Variants in ASB13 observed in about 807,000 individuals in gnomAD.
ASB13 encodes the protein ankyrin repeat and SOCS box protein 13.
Under a neutral mutation model 28.8 loss-of-function variants are expected in ASB13, and 33 were observed. The ratio of observed to expected loss-of-function variants is 1.15; its 90% CI spans 0.87 to 1.53. The LOEUF (loss-of-function observed/expected upper bound fraction) is 1.53, where lower values mean the gene tolerates loss of function less well. Among genes scored for constraint, ASB13 ranks in the 40% most tolerant of loss-of-function variants. ASB13 has a pLI of 0.00. For missense variants in ASB13, 414 were observed against 390.1 expected (o/e 1.06, Z -0.52); for synonymous variants, 182 against 172.9 (o/e 1.05, Z -0.41).
At position 5,651,935 on chromosome 10, in the gene ASB13, G is replaced by A. The variant is rs1834990113; in HGVS notation, c.232-572C>T. Among the ~76,000 whole-genome samples the A allele has an allele frequency of 6.8e-6, 1 of 147,346 alleles. No individual in the cohort carries two copies. The highest frequency in any genetic ancestry group is 6.8e-5 in the Admixed American group (1 of 14,692). On this transcript the variant is annotated intron_variant, in intron 2 of 5. Coordinates refer to ENST00000357700, the MANE Select transcript of ASB13 (RefSeq NM_024701.4). This position sits in a 1 kb window ranked among gnomAD's most constrained non-coding sequence, Gnocchi z 5.1. ...AAGGATCACTTGAGTCAAGGAGGAT[G>A]AGGTTGCAGTGAGCTATGATCACGC...
Position 5,661,288 on chromosome 10 carries a change from C to T in ASB13, c.43+5221G>A, listed in dbSNP as rs1230270102. Among the ~76,000 whole-genome samples, 1 of 152,192 alleles carries T rather than the reference C, an allele frequency of 6.6e-6. No individual in the cohort carries two copies. The highest frequency in any genetic ancestry group is 1.5e-5 in the Non-Finnish European group (1 of 68,044). On this transcript the variant is annotated intron_variant, in intron 1 of 5. Transcript: ENST00000357700. The surrounding 1 kb of genome is among the most constrained non-coding windows in gnomAD (Gnocchi z 4.9). ...GGGCCTCACTTGACCCACACAGGGA[C>T]TGCAACCATAAAAGCAGCAGAGCCA... is the stretch of plus-strand genomic sequence containing the variant.
chr10:5,662,637 A>AGAAGAGAAGAGAAGAG (rs1554744190), intron 1 of ASB13, among the ~76,000 whole-genome samples: 5 of 144,860 alleles, frequency 3.5e-5, no homozygotes, highest in East Asian at 4.3e-4. Context: ...AGAAGAGAAG[A>AGAAGAGAAGAGAAGAG]GATGAGATCC....
intron 4 of ASB13, among the ~76,000 whole-genome samples, chr10:5,646,823 T>C (rs147013684): frequency 0.013 from 1,917 of 152,260 alleles, 49 homozygotes; most frequent in African/African-American, 0.043. Context: ...TCGTGTGTAC[T>C]GAGCTCATAA....
rs569915376 is a variant in ASB13, at chr10:5,652,001, CAAAAAAAAAA to C, written c.232-648_232-639del. On this transcript the variant is annotated intron_variant, in intron 2 of 5. Transcript: ENST00000357700. The surrounding 1 kb of genome is among the most constrained non-coding windows in gnomAD (Gnocchi z 5.0). Reference sequence around the variant, plus strand: ...TAGGCGACAGAGAAAGACCTTATCTCAAAAAAAAAAAAAAAAAAAAAAAACCACACACACA... The same window carrying C: ...TAGGCGACAGAGAAAGACCTTATCTCAAAAAAAAAAAAAACCACACACACA... 3.9e-5 allele frequency among the ~76,000 whole-genome samples: 2 copies of C among 50,794 alleles called. No homozygotes were observed. Among genetic ancestry groups the C allele is most frequent in the South Asian group, 1.2e-3 (1 of 814 alleles). 33.3% of individuals were successfully genotyped at this position (50,794 alleles called of 152,430 possible). A position where few individuals can be genotyped will look rare whatever the true frequency, so the allele number is the denominator to read the frequency against.
chr10:5,657,565 G>A (rs1835091876), intron 1 of ASB13, among the ~76,000 whole-genome samples: 2 of 152,196 alleles, frequency 1.3e-5, no homozygotes, highest in East Asian at 1.9e-4. Context: ...CTTGTGCACT[G>A]ATGATGGGAA....
In ASB13 at chr10:5,664,432, G is replaced by A. The variant is rs970897974; in HGVS notation, c.43+2077C>T. On this transcript the variant is annotated intron_variant, in intron 1 of 5. Coordinates refer to ENST00000357700, the MANE Select transcript of ASB13 (RefSeq NM_024701.4). This position sits in a 1 kb window ranked among gnomAD's most constrained non-coding sequence, Gnocchi z 4.2. ...CCACAGGTAAACAAAAAGAACACCC[G>A]CCATGTCCAAGAAAAGCAAGACATT... Among the ~76,000 whole-genome samples the A allele has an allele frequency of 1.3e-5, 2 of 152,136 alleles. No individual in the cohort carries two copies. Among genetic ancestry groups the A allele is most frequent in the South Asian group, 2.1e-4 (1 of 4,830 alleles).
rs1222099901 is a variant in ASB13 at position 5,656,178 on chromosome 10, C to T, written c.44-3128G>A. ...GAACCTGGCACTGTCCAAGAAGATGCTGGTATCCACGTGGTTGCTCAGTGA... is the reference window on the plus strand; with the variant it reads ...GAACCTGGCACTGTCCAAGAAGATGTTGGTATCCACGTGGTTGCTCAGTGA... On this transcript the variant is annotated intron_variant, in intron 1 of 5. Transcript: ENST00000357700. The surrounding 1 kb of genome is among the most constrained non-coding windows in gnomAD (Gnocchi z 4.3). Among the ~76,000 whole-genome samples the T allele has an allele frequency of 6.6e-6, 1 of 152,172 alleles. No individual in the cohort carries two copies. Among genetic ancestry groups the T allele is most frequent in the African/African-American group, 2.4e-5 (1 of 41,442 alleles).
chr10:5,662,536 G>GA (rs1455291280), intron 1 of ASB13, among the ~76,000 whole-genome samples: 555 of 49,450 alleles, frequency 0.011, 56 homozygotes, highest in African/African-American at 0.02. Context: ...TCGAGAAGGG[G>GA]GGGGGAGGGG....
intron 4 of ASB13, among the ~76,000 whole-genome samples, chr10:5,648,255 A>C (rs1266781065): frequency 2.0e-5 from 3 of 150,496 alleles, no homozygotes; most frequent in Non-Finnish European, 4.4e-5. Context: ...ACTCAGGTAA[A>C]CACCCACTCA....
Position 5,659,555 on chromosome 10 carries a change from C to A in ASB13, c.44-6505G>T, listed in dbSNP as rs191110780. 1.3e-5 allele frequency among the ~76,000 whole-genome samples: 2 copies of A among 152,190 alleles called. No homozygotes were observed. The highest frequency in any genetic ancestry group is 6.5e-5 in the Admixed American group (1 of 15,280). The stretch of plus-strand genomic sequence containing the variant: ...TTTGCGTATGCTGTTCCTTCCCCTG[C>A]CTGGAAAGCTCTTCTCAGCCCCATT... On this transcript the variant is annotated intron_variant, in intron 1 of 5. Transcript: ENST00000357700. The surrounding 1 kb of genome is among the most constrained non-coding windows in gnomAD (Gnocchi z 5.8).
Position 5,661,942 on chromosome 10 carries a change from C to T in ASB13, c.43+4567G>A, listed in dbSNP as rs1835173345. ...CTGTAAGAAGCCCTCCCTGCAAAAC[C>T]CCAGTAAGCATTCTTGAAATGGTGA... On this transcript the variant is annotated intron_variant, in intron 1 of 5. Transcript: ENST00000357700. This position sits in a 1 kb window ranked among gnomAD's most constrained non-coding sequence, Gnocchi z 4.9. 1.3e-5 allele frequency among the ~76,000 whole-genome samples: 2 copies of T among 152,178 alleles called. No individual in the cohort carries two copies. Among genetic ancestry groups the T allele is most frequent in the South Asian group, 4.1e-4 (2 of 4,830 alleles).
At chr10:5,647,311 T>C (rs921203366) in intron 4 of ASB13, among the ~76,000 whole-genome samples, 2 of 152,208 alleles carry the variant, frequency 1.3e-5, no homozygotes, top group Non-Finnish European at 2.9e-5. Context: ...TTGGATAAGA[T>C]GATGAAACTA....
chr10:5,662,561 G>A (rs202137193), intron 1 of ASB13, among the ~76,000 whole-genome samples: 34 of 90,652 alleles, frequency 3.8e-4, no homozygotes, highest in Non-Finnish European at 5.6e-4. Context: ...GAGGGGAGGG[G>A]AGGGGAGAAG....
At chr10:5,662,618 G>GAAGAA (rs1835193634) in intron 1 of ASB13, among the ~76,000 whole-genome samples, 5 of 148,994 alleles carry the variant, frequency 3.4e-5, no homozygotes, top group Admixed American at 6.9e-5. Context: ...GAAGAGAAGA[G>GAAGAA]AAGAGAAGAG....
rs1588513382 is a variant in ASB13 at position 5,651,783 on chromosome 10, C to G, written c.232-420G>C. 1.3e-5 allele frequency among the ~76,000 whole-genome samples: 2 copies of G among 152,086 alleles called. No homozygotes were observed. Among genetic ancestry groups the G allele is most frequent in the African/African-American group, 4.8e-5 (2 of 41,472 alleles). ...TTCGGAAGGCGAGGAGGGAGGGTCA[C>G]TTGAGCTCAGGAGTTCAAGACCAGC... On this transcript the variant is annotated intron_variant, in intron 2 of 5. Coordinates refer to ENST00000357700, the MANE Select transcript of ASB13 (RefSeq NM_024701.4). This position sits in a 1 kb window ranked among gnomAD's most constrained non-coding sequence, Gnocchi z 5.1.
intron 4 of ASB13, among the ~76,000 whole-genome samples, chr10:5,646,796 G>A (rs772418470): frequency 1.3e-5 from 2 of 152,102 alleles, no homozygotes; most frequent in African/African-American, 4.8e-5. Flanking sequence ...CAAACAGAAC[G>A]AAGGTAAAAA....
rs907575547 is a variant in ASB13 at position 5,659,025 on chromosome 10, G to A, written c.44-5975C>T. Among the ~76,000 whole-genome samples the A allele has an allele frequency of 3.9e-5, 6 of 152,224 alleles. No individual in the cohort carries two copies. Among genetic ancestry groups the A allele is most frequent in the Non-Finnish European group, 8.8e-5 (6 of 68,034 alleles). On this transcript the variant is annotated intron_variant, in intron 1 of 5. Coordinates refer to ENST00000357700, the MANE Select transcript of ASB13 (RefSeq NM_024701.4). This position sits in a 1 kb window ranked among gnomAD's most constrained non-coding sequence, Gnocchi z 5.8. ...CAATGGCAGGGTCAGTGTCCCAGGT[G>A]AAAAGAATCGGGAAGGACAGCTTAT...
Position 5,649,194 on chromosome 10 carries a change from A to G in ASB13, c.383-90T>C. 6.4e-7 allele frequency: 1 copy of G among 1,561,270 alleles called. No individual in the cohort carries two copies. The highest frequency in any genetic ancestry group is 2.2e-5 in the East Asian group (1 of 44,496). ...AGACGCGGCAGGGGCAGCAGCCTCC[A>G]TCCTTGGTGCAGGGCAGGGAAGCCA... is the stretch of plus-strand genomic sequence containing the variant. On this transcript the variant is annotated intron_variant, in intron 3 of 5. Transcript: ENST00000357700. This position sits in a 1 kb window ranked among gnomAD's most constrained non-coding sequence, Gnocchi z 6.4.
rs879854270 is a variant in ASB13, at chr10:5,642,361, C to T, written c.518-400G>A. 2.5e-5 allele frequency: 13 copies of T among 528,244 alleles called. No homozygotes were observed. Among genetic ancestry groups the T allele is most frequent in the Non-Finnish European group, 3.3e-5 (12 of 368,452 alleles). 32.7% of individuals were successfully genotyped at this position (528,244 alleles called of 1,614,324 possible). On this transcript the variant is annotated intron_variant, in intron 4 of 5. Transcript: ENST00000357700. This position sits in a 1 kb window ranked among gnomAD's most constrained non-coding sequence, Gnocchi z 4.1. ...TGGCCTCCAGCACAGACACACACTG[C>T]TTCTTCCTCTTGCGGGCCCAGGACG...
Sources: gnomAD v4.1 joint callset for allele counts (sites outside exome capture counted in the v4.1 genomes callset) on GRCh38, gnomAD v4.1.1 for gene constraint, Gnocchi (gnomAD v3.1) non-coding constraint, MANE v1.5 for transcripts, NCBI Gene and HGNC (gene_info 2026-07-23, HGNC 2026-07-21) for gene names.